Variants in GPHN observed in about 807,000 individuals in gnomAD.
GPHN encodes the protein gephyrin.
GPHN carries 17 observed loss-of-function variants against 95.5 expected under a neutral mutation model. The observed-to-expected ratio is 0.18, with a 90% CI of 0.12 to 0.27. The LOEUF is 0.27. Among genes scored for constraint, GPHN ranks in the 10% least tolerant of loss-of-function variants. GPHN has a pLI of 1.00. For synonymous variants in GPHN, 320 were observed against 322.5 expected (o/e 0.99, Z 0.08); for missense variants, 660 against 978.1 (o/e 0.67, Z 4.34).
chr14:67,574,412 TG>T, the GPHN span: 3 of 1,525,444 alleles, frequency 2.0e-6, no homozygotes, highest in African/African-American at 2.8e-5. This position sits in a 1 kb window ranked among gnomAD's most constrained non-coding sequence, Gnocchi z 4.2. Flanking sequence ...AGGTAGAGGG[TG>T]GGGCTGATAG....
intron 1 of GPHN, among the ~76,000 whole-genome samples, chr14:66,644,492 T>A (rs1038189778): frequency 2.6e-5 from 4 of 152,062 alleles, no homozygotes; most frequent in Non-Finnish European, 5.9e-5. Flanking sequence ...TTTATCACAA[T>A]GTCAAAGCAG....
the GPHN span, chr14:67,592,722 TA>T: frequency 6.4e-7 from 1 of 1,561,976 alleles, no homozygotes; most frequent in Non-Finnish European, 8.8e-7. Flanking sequence ...CCTTCTGCTG[TA>T]AGAAAATAAA....
chr14:66,998,887 AAATATATATATATATATACACAT>A (rs1489039944), intron 9 of GPHN, among the ~76,000 whole-genome samples: 1 of 134,980 alleles, frequency 7.4e-6, no homozygotes, highest in East Asian at 2.2e-4. Context: ...TAAAAAAAAA[AAATATATATATATATATACACAT>A]ATATATATAT....
chr14:67,536,837 G>T, the GPHN span, among the ~76,000 whole-genome samples: 5 of 151,826 alleles, frequency 3.3e-5, no homozygotes, highest in Non-Finnish European at 7.3e-5. Context: ...GAGGTCAGGA[G>T]TTTGACCAGA....
At chr14:66,926,860 T>A (rs896879520) in intron 8 of GPHN, among the ~76,000 whole-genome samples, 3 of 152,230 alleles carry the variant, frequency 2.0e-5, no homozygotes, top group Non-Finnish European at 4.4e-5. Context: ...CGATATTGAT[T>A]CTTCCAATCC....
chr14:66,683,155 A>G (rs957034141), intron 2 of GPHN, among the ~76,000 whole-genome samples: 2 of 151,274 alleles, frequency 1.3e-5, no homozygotes, highest in Non-Finnish European at 2.9e-5. Context: ...GTATGTAAGA[A>G]TGTCAGCATT....
downstream of GPHN, among the ~76,000 whole-genome samples, chr14:67,182,743 G>A (rs1001448423): frequency 1.3e-5 from 2 of 151,384 alleles, no homozygotes; most frequent in African/African-American, 4.8e-5. Context: ...ATAATATATA[G>A]TAGAGTGTAT....
chr14:67,511,017 C>T, the GPHN span, among the ~76,000 whole-genome samples: 645 of 152,274 alleles, frequency 4.2e-3, 2 homozygotes, highest in Non-Finnish European at 6.3e-3. Flanking sequence ...CCTTCAATCT[C>T]CTTGGCTGGC....
chr14:66,921,447 T>G (rs1020120038), intron 6 of GPHN, among the ~76,000 whole-genome samples: 4 of 151,774 alleles, frequency 2.6e-5, no homozygotes, highest in Non-Finnish European at 5.9e-5. Context: ...TGGGATTGTT[T>G]TTTTTTTTTT....
chr14:66,985,336 G>T (rs1010201362), intron 9 of GPHN, among the ~76,000 whole-genome samples: 4 of 152,144 alleles, frequency 2.6e-5, no homozygotes, highest in African/African-American at 4.8e-5. Flanking sequence ...AACACTAAGA[G>T]AGAAAAGTAC....
chr14:67,650,859 A>T, the GPHN span: 1 of 1,614,220 alleles, frequency 6.2e-7, no homozygotes, highest in Non-Finnish European at 8.5e-7. Context: ...ATTGTCTATG[A>T]CCAACTTCCT....
chr14:67,266,604 G>T, the GPHN span, among the ~76,000 whole-genome samples: 1 of 152,126 alleles, frequency 6.6e-6, no homozygotes, highest in African/African-American at 2.4e-5. Flanking sequence ...GGGATTACAG[G>T]CATGAGCCAC....
chr14:67,392,834 T>A, the GPHN span: 2 of 1,611,778 alleles, frequency 1.2e-6, no homozygotes, highest in Non-Finnish European at 1.7e-6. Flanking sequence ...GATGAGCCAG[T>A]CCACCAGGGA....
chr14:66,551,687 A>C (rs1336435451), intron 1 of GPHN, among the ~76,000 whole-genome samples: 1 of 152,186 alleles, frequency 6.6e-6, no homozygotes, highest in Admixed American at 6.5e-5. Flanking sequence ...GCTGTACAGG[A>C]AGCATAGCTG....
rs113694295 is a variant in GPHN at position 66,622,108 on chromosome 14, G to A, written c.65-58999G>A. ...TCTGCCTGGACATCCAGGTATTTAC[G>A]TACATCCTGTGAAATCCAGGTGGAG... On this transcript the variant is annotated intron_variant, in intron 1 of 22. Transcript: ENST00000478722. Among the ~76,000 whole-genome samples, 630 of 152,206 alleles carry A rather than the reference G, an allele frequency of 4.1e-3. 12 individuals carry two copies. The highest frequency in any genetic ancestry group is 0.013 in the African/African-American group (537 of 41,544).
chr14:66,713,752 T>TTTA (rs1368901760), intron 2 of GPHN, among the ~76,000 whole-genome samples: 1 of 151,928 alleles, frequency 6.6e-6, no homozygotes, highest in East Asian at 1.9e-4. Context: ...GTTGTTTTTT[T>TTTA]TTTATTTGTT....
the GPHN span, among the ~76,000 whole-genome samples, chr14:67,373,842 A>AGTGTGTGTGTGT: frequency 8.1e-3 from 1,181 of 145,772 alleles, 12 homozygotes; most frequent in African/African-American, 0.024. Flanking sequence ...TAATTTGTTC[A>AGTGTGTGTGTGT]GTGTGTGTGT....
At chr14:66,528,354 G>T (rs2058773997) in intron 1 of GPHN, among the ~76,000 whole-genome samples, 1 of 152,056 alleles carries the variant, frequency 6.6e-6, no homozygotes, top group Non-Finnish European at 1.5e-5. Context: ...GCCTATGTGT[G>T]TCTTTGCATG....
chr14:67,731,203 CTT>C, the GPHN span, among the ~76,000 whole-genome samples: 1 of 119,210 alleles, frequency 8.4e-6, no homozygotes, highest in Non-Finnish European at 1.7e-5. Context: ...ATATTTCTTT[CTT>C]TCTTTTTTTT....
Sources: allele counts gnomAD v4.1 joint callset (sites outside exome capture counted in the v4.1 genomes callset), GRCh38; gene constraint gnomAD v4.1.1; non-coding constraint Gnocchi (gnomAD v3.1); transcripts MANE v1.5; gene names NCBI Gene and HGNC (gene_info 2026-07-23, HGNC 2026-07-21).